Variants in DCC observed in about 807,000 individuals in gnomAD.
DCC encodes the protein netrin receptor DCC.
DCC carries 58 observed loss-of-function variants against 172.5 expected under a neutral mutation model. The observed-to-expected ratio is 0.34, with a 90% CI of 0.27 to 0.42. The LOEUF is 0.42. DCC is among the 10% of genes least tolerant of loss of function. The pLI is 1.00. For synonymous variants in DCC, 709 were observed against 644.5 expected (o/e 1.10, Z -1.52); for missense variants, 1,740 against 1,791.0 (o/e 0.97, Z 0.51).
intron 2 of DCC, among the ~76,000 whole-genome samples, chr18:52,842,001 TGC>T (rs904827438): frequency 1.3e-3 from 52 of 41,170 alleles, no homozygotes; most frequent in East Asian, 2.4e-3. Flanking sequence ...TGACAATTTT[TGC>T]GCATATATAT....
intron 28 of DCC, chr18:53,530,308 C>T (rs962858129): frequency 2.0e-5 from 14 of 702,426 alleles, no homozygotes; most frequent in Non-Finnish European, 3.6e-5. Context: ...TGATTTGAAA[C>T]CCAATCTTTT....
intron 1 of DCC, among the ~76,000 whole-genome samples, chr18:52,391,012 ATTT>A (rs926405873): frequency 6.6e-6 from 1 of 151,384 alleles, no homozygotes; most frequent in Non-Finnish European, 1.5e-5. Context: ...CTTGTTACAG[ATTT>A]TTTTTTGTGT....
chr18:53,081,849 G>A (rs935948459), intron 7 of DCC, among the ~76,000 whole-genome samples: 2 of 152,012 alleles, frequency 1.3e-5, no homozygotes, highest in African/African-American at 4.8e-5. Flanking sequence ...AAATTAAACA[G>A]TCTTCACATA....
intron 27 of DCC, among the ~76,000 whole-genome samples, chr18:53,503,407 CCATTTTTTAATGCTTT>C (rs2046128948): frequency 1.3e-5 from 2 of 152,098 alleles, no homozygotes; most frequent in African/African-American, 4.8e-5. Flanking sequence ...TAGAGTGCTT[CCATTTTTTAATGCTTT>C]ATCTATAGAC....
chr18:53,040,111 A>T (rs910729403), intron 5 of DCC, among the ~76,000 whole-genome samples: 1 of 152,046 alleles, frequency 6.6e-6, no homozygotes, highest in Admixed American at 6.6e-5. Context: ...AAAAAAAGAA[A>T]AAGTCAAGTG....
intron 1 of DCC, among the ~76,000 whole-genome samples, chr18:52,358,252 A>T (rs1319633120): frequency 6.6e-6 from 1 of 152,176 alleles, no homozygotes; most frequent in African/African-American, 2.4e-5. Flanking sequence ...TACACACTTC[A>T]CTTGAAAACC....
chr18:52,920,470 G>GGTTTTT (rs2040105806), intron 3 of DCC, among the ~76,000 whole-genome samples: 1 of 151,418 alleles, frequency 6.6e-6, no homozygotes, highest in South Asian at 2.1e-4. Context: ...TTAGGCAATT[G>GGTTTTT]CAACTTAAAA....
intron 12 of DCC, among the ~76,000 whole-genome samples, chr18:53,228,672 T>C (rs1568378487): frequency 6.6e-6 from 1 of 152,106 alleles, no homozygotes; most frequent in Non-Finnish European, 1.5e-5. Flanking sequence ...ATACTTAACT[T>C]TGATAATAGT....
chr18:52,528,278 A>T (rs1411435517), intron 1 of DCC, among the ~76,000 whole-genome samples: 1 of 152,210 alleles, frequency 6.6e-6, no homozygotes, highest in African/African-American at 2.4e-5. Context: ...AATAAGGCTG[A>T]TACATATGTG....
intron 2 of DCC, among the ~76,000 whole-genome samples, chr18:52,760,122 AC>A (rs1337428301): frequency 6.6e-6 from 1 of 152,162 alleles, no homozygotes; most frequent in Non-Finnish European, 1.5e-5. Context: ...GGTTTAATTG[AC>A]TCACAGTTCT....
chr18:53,322,572 A>C (rs2057424596), intron 14 of DCC, among the ~76,000 whole-genome samples: 1 of 152,146 alleles, frequency 6.6e-6, no homozygotes, highest in East Asian at 1.9e-4. Context: ...AAAAACATCT[A>C]TATGTATTTT....
chr18:53,501,860 C>A (rs1213347705), intron 27 of DCC, among the ~76,000 whole-genome samples: 2 of 147,574 alleles, frequency 1.4e-5, no homozygotes, highest in African/African-American at 5.0e-5. Context: ...ATAGATGGAG[C>A]AGAGAATTGG....
chr18:53,275,950 T>C (rs185140326), intron 12 of DCC, among the ~76,000 whole-genome samples: 1 of 152,250 alleles, frequency 6.6e-6, no homozygotes, highest in East Asian at 1.9e-4. Context: ...TAGTAAAATA[T>C]AATTTTCAAA....
chr18:53,240,751 T>C (rs1216537335), intron 12 of DCC, among the ~76,000 whole-genome samples: 1 of 152,212 alleles, frequency 6.6e-6, no homozygotes, highest in African/African-American at 2.4e-5. Flanking sequence ...ATTATCATTT[T>C]TATCATTTAA....
intron 1 of DCC, among the ~76,000 whole-genome samples, chr18:52,513,748 C>G (rs2031528207): frequency 6.6e-6 from 1 of 152,080 alleles, no homozygotes; most frequent in South Asian, 2.1e-4. Flanking sequence ...AGATGCTACC[C>G]AAAGCTATTT....
intron 7 of DCC, among the ~76,000 whole-genome samples, chr18:53,096,180 T>TA (rs2043085597): frequency 6.6e-6 from 1 of 151,580 alleles, no homozygotes; most frequent in African/African-American, 2.4e-5. Context: ...AAATAAATTT[T>TA]AAAAAATAAT....
intron 2 of DCC, among the ~76,000 whole-genome samples, chr18:52,815,327 G>T (rs185994581): frequency 1.3e-5 from 2 of 152,110 alleles, no homozygotes; most frequent in Admixed American, 6.5e-5. Flanking sequence ...TCATAAGAGT[G>T]GGTCCCTAAT....
chr18:53,504,818 A>T (rs1468599444), intron 27 of DCC, among the ~76,000 whole-genome samples: 3 of 152,220 alleles, frequency 2.0e-5, no homozygotes, highest in African/African-American at 7.2e-5. Context: ...TGCCCTATTT[A>T]TAAGTGACAA....
At chr18:52,613,842 T>C (rs916175088) in intron 1 of DCC, among the ~76,000 whole-genome samples, 1 of 152,194 alleles carries the variant, frequency 6.6e-6, no homozygotes, top group Non-Finnish European at 1.5e-5. Context: ...TTGGGTCCTA[T>C]ACTGGTGGTG....
Sources: allele counts gnomAD v4.1 joint callset (sites outside exome capture counted in the v4.1 genomes callset), GRCh38; gene constraint gnomAD v4.1.1; transcripts MANE v1.5; gene names NCBI Gene and HGNC (gene_info 2026-07-23, HGNC 2026-07-21).